IQCM: variants seen among roughly 807,000 people sequenced by gnomAD.
IQCM encodes the protein IQ domain-containing protein M.
Under a neutral mutation model 57.6 loss-of-function variants are expected in IQCM, and 45 were observed. The ratio of observed to expected loss-of-function variants is 0.78; its 90% confidence interval spans 0.62 to 1.00. The LOEUF is 1.00. Ranked by LOEUF, IQCM falls within the 50% of genes least tolerant of loss-of-function variation. The pLI is 0.00. For missense variants in IQCM, 468 were observed against 511.6 expected (o/e 0.91, Z 0.82); for synonymous variants, 148 against 158.9 (o/e 0.93, Z 0.51).
chr4:149,572,595 G>C (rs926200529), intron 9 of IQCM, among the ~76,000 whole-genome samples: 3 of 151,806 alleles, frequency 2.0e-5, no homozygotes, highest in African/African-American at 7.3e-5. Context: ...TATTTCATCT[G>C]CATTATATTT....
chr4:149,498,850 T>A (rs1433934478), intron 12 of IQCM, among the ~76,000 whole-genome samples: 1 of 151,966 alleles, frequency 6.6e-6, no homozygotes. Context: ...CCGGTTTGGG[T>A]TAGAAAGGGA....
chr4:149,561,335 A>G (rs1030232531), intron 10 of IQCM, among the ~76,000 whole-genome samples: 1 of 152,100 alleles, frequency 6.6e-6, no homozygotes, highest in Non-Finnish European at 1.5e-5. Context: ...TGATTCTACA[A>G]TTATTTCTGA....
chr4:149,464,114 T>A (rs1222830673), intron 12 of IQCM, among the ~76,000 whole-genome samples: 1 of 152,178 alleles, frequency 6.6e-6, no homozygotes, highest in East Asian at 1.9e-4. Context: ...TTACTGTATA[T>A]GTAATTCTGC....
intron 3 of IQCM, among the ~76,000 whole-genome samples, chr4:149,739,486 T>G (rs1767252884): frequency 6.7e-6 from 1 of 150,246 alleles, no homozygotes; most frequent in Non-Finnish European, 1.5e-5. Context: ...TTTTTTTTAG[T>G]CAACCCTCAT....
chr4:149,715,936 T>C lies in IQCM; in HGVS notation c.385+17308A>G, dbSNP rs572102350. Among the ~76,000 whole-genome samples, 42 of 152,226 alleles carry C rather than the reference T, an allele frequency of 2.8e-4. No individual in the cohort carries two copies. In the South Asian group the frequency reaches 8.7e-3, roughly 32 times the overall value. On this transcript the variant is annotated intron_variant, in intron 5 of 13. Coordinates refer to ENST00000636793, the MANE Select transcript of IQCM (RefSeq NM_001363507.2). ...TGTCCTCTGTCCAAGTCTGGCTGAGTCCTGGGGAGAAAGTGCTTACTGATT... is the reference window on the plus strand; with the variant it reads ...TGTCCTCTGTCCAAGTCTGGCTGAGCCCTGGGGAGAAAGTGCTTACTGATT...
At chr4:149,534,080 A>AATCCAT (rs1747034118) in intron 12 of IQCM, among the ~76,000 whole-genome samples, 1 of 152,178 alleles carries the variant, frequency 6.6e-6, no homozygotes, top group African/African-American at 2.4e-5. Context: ...ATTATCCTTT[A>AATCCAT]ATCCATTCAA....
chr4:149,678,936 G>C (rs996290912), intron 7 of IQCM, among the ~76,000 whole-genome samples: 1 of 151,552 alleles, frequency 6.6e-6, no homozygotes, highest in African/African-American at 2.4e-5. Context: ...TAGTGGGCAT[G>C]GAAATTAGTA....
At chr4:149,399,878 T>A (rs1351221048) in intron 13 of IQCM, among the ~76,000 whole-genome samples, 2 of 152,124 alleles carry the variant, frequency 1.3e-5, no homozygotes, top group African/African-American at 4.8e-5. Context: ...ATTCTAATTG[T>A]TATCCTTTTT....
intron 10 of IQCM, among the ~76,000 whole-genome samples, chr4:149,555,483 A>G (rs1263986224): frequency 6.6e-6 from 1 of 152,240 alleles, no homozygotes; most frequent in Non-Finnish European, 1.5e-5. Context: ...GAGTAACTGT[A>G]GTACCAATAT....
At chr4:149,550,110 C>T (rs1300195143) in intron 11 of IQCM, among the ~76,000 whole-genome samples, 2 of 152,180 alleles carry the variant, frequency 1.3e-5, no homozygotes, top group Non-Finnish European at 2.9e-5. Context: ...CCTCTGGCTA[C>T]AGGCCTTCAC....
intron 12 of IQCM, among the ~76,000 whole-genome samples, chr4:149,467,807 C>A (rs976876234): frequency 3.9e-5 from 6 of 152,078 alleles, no homozygotes; most frequent in African/African-American, 1.4e-4. Flanking sequence ...AATAAATATT[C>A]CAACTTCATT....
chr4:149,674,124 C>T (rs1290301579), intron 7 of IQCM, among the ~76,000 whole-genome samples: 1 of 151,970 alleles, frequency 6.6e-6, no homozygotes, highest in African/African-American at 2.4e-5. Context: ...GAAAAAGATA[C>T]AATGAAACAA....
At chr4:149,657,297 T>G (rs1473790825) in intron 7 of IQCM, among the ~76,000 whole-genome samples, 2 of 152,216 alleles carry the variant, frequency 1.3e-5, no homozygotes, top group Non-Finnish European at 2.9e-5. Context: ...CTTGTTTCAC[T>G]AAATATGATG....
chr4:149,361,416 A>G (rs992606020), intron 13 of IQCM, among the ~76,000 whole-genome samples: 1 of 152,284 alleles, frequency 6.6e-6, no homozygotes, highest in East Asian at 1.9e-4. Flanking sequence ...GGCCATGTCA[A>G]AGACCTTCAT....
At chr4:149,778,066 T>TA (rs1396211983) in intron 2 of IQCM, among the ~76,000 whole-genome samples, 7 of 152,284 alleles carry the variant, frequency 4.6e-5, no homozygotes, top group African/African-American at 1.7e-4. Context: ...AGGGAAATTT[T>TA]AAAAAACACA....
At chr4:149,609,901 A>C (rs1419767570) in intron 8 of IQCM, among the ~76,000 whole-genome samples, 1 of 151,728 alleles carries the variant, frequency 6.6e-6, no homozygotes, top group Non-Finnish European at 1.5e-5. Flanking sequence ...TTAACAAGAA[A>C]AATAAAGGGC....
At chr4:149,791,869 G>A (rs1394846) in intron 2 of IQCM, among the ~76,000 whole-genome samples, 12,577 of 152,176 alleles carry the variant, frequency 0.083, 1,369 homozygotes, top group African/African-American at 0.24. Context: ...ACATTGGAAT[G>A]CTAAATCTTA....
intron 3 of IQCM, among the ~76,000 whole-genome samples, chr4:149,740,998 A>T (rs1316440843): frequency 6.6e-6 from 1 of 152,204 alleles, no homozygotes; most frequent in Non-Finnish European, 1.5e-5. Context: ...CAAAAACTTC[A>T]AATACAATAA....
chr4:149,396,823 G>A (rs979537808), intron 13 of IQCM, among the ~76,000 whole-genome samples: 4 of 152,016 alleles, frequency 2.6e-5, no homozygotes, highest in East Asian at 1.9e-4. Context: ...CTGTCTTTCC[G>A]TTACTGGTTT....
Sources: allele counts gnomAD v4.1 joint callset (sites outside exome capture counted in the v4.1 genomes callset), GRCh38; gene constraint gnomAD v4.1.1; transcripts MANE v1.5; gene names NCBI Gene and HGNC (gene_info 2026-07-23, HGNC 2026-07-21).